Variants in TRIO observed in about 807,000 individuals in gnomAD.
The protein encoded by TRIO is trio Rho guanine nucleotide exchange factor.
Under a neutral mutation model 351.9 loss-of-function variants are expected in TRIO, and 58 were observed. That is an observed-to-expected ratio of 0.16 (90% CI 0.13 to 0.21). The LOEUF (loss-of-function observed/expected upper bound fraction) is 0.21, where lower values mean the gene tolerates loss of function less well. TRIO is among the 10% of genes least tolerant of loss of function. The probability of loss-of-function intolerance (pLI) is 1.00; values close to 1 mark genes in which losing one functional copy is unlikely to be tolerated. For synonymous variants in TRIO, 1,758 were observed against 1,595.7 expected (o/e 1.10, Z -2.42); for missense variants, 3,201 against 4,027.8 (o/e 0.79, Z 5.56).
Position 14,316,198 on chromosome 5 carries a change from A to G in TRIO, c.1501-315A>G, listed in dbSNP as rs1739366412. ...ATTTATGGCATTTAAGGCAAATAGT[A>G]TGCCTATTCATTGAGTGGTATCTAC... On this transcript the variant is annotated intron_variant, in intron 8 of 56. Coordinates refer to ENST00000344204, the MANE Select transcript of TRIO (RefSeq NM_007118.4). Among the ~76,000 whole-genome samples, 3 of 152,268 alleles carry G rather than the reference A, an allele frequency of 2.0e-5. No individual in the cohort carries two copies. The East Asian group carries it at 5.8e-4, about 29-fold the overall frequency.
intron 21 of TRIO, among the ~76,000 whole-genome samples, chr5:14,384,780 C>CA (rs991788264): frequency 6.6e-6 from 1 of 151,674 alleles, no homozygotes; most frequent in Non-Finnish European, 1.5e-5. Context: ...TTCACCTACA[C>CA]AAAAAAATGT....
chr5:14,389,447 G>A (rs1746855968), intron 25 of TRIO, 49 bp downstream of exon 25: 1 of 1,366,798 alleles, frequency 7.3e-7, no homozygotes, highest in South Asian at 1.3e-5. Flanking sequence ...TCCATGTGCT[G>A]AAGTTTCATC....
At chr5:14,381,797 TTTTCA>T (rs1242602064) in intron 21 of TRIO, among the ~76,000 whole-genome samples, 1 of 152,238 alleles carries the variant, frequency 6.6e-6, no homozygotes, top group African/African-American at 2.4e-5. Context: ...ACTTGAGGCA[TTTTCA>T]TTTTTCTCCT....
intron 19 of TRIO, among the ~76,000 whole-genome samples, chr5:14,377,173 C>CTT (rs1745632874): frequency 6.7e-6 from 1 of 149,954 alleles, no homozygotes. Context: ...TTTTTCTTGC[C>CTT]TTTATAGCTT....
intron 1 of TRIO, among the ~76,000 whole-genome samples, chr5:14,180,842 C>T (rs1240219916): frequency 2.5e-5 from 3 of 118,474 alleles, no homozygotes; most frequent in African/African-American, 7.6e-5. Flanking sequence ...CCCCCAGTGC[C>T]CCCACAAAAA....
chr5:14,207,557 C>CACACACACACACA (rs58848680), intron 1 of TRIO, among the ~76,000 whole-genome samples: 16 of 146,170 alleles, frequency 1.1e-4, no homozygotes, highest in Non-Finnish European at 1.7e-4. Flanking sequence ...CACACACACA[C>CACACACACACACA]GGAGCCAGGT....
chr5:14,318,378 T>C (rs1448675839), intron 9 of TRIO, among the ~76,000 whole-genome samples: 2 of 138,618 alleles, frequency 1.4e-5, no homozygotes, highest in African/African-American at 2.8e-5. Flanking sequence ...TCACTTGAAC[T>C]GGGGAGGCGG....
In TRIO at chr5:14,270,863, T is replaced by C; in HGVS notation, c.196T>C (p.Leu66=). The change falls in exon 2 of 57, where the codon TTA becomes CTA. Residue 66 remains leucine (L), a synonymous_variant. Transcript: ENST00000344204. ...KNDEMKAMDV[L]PILKEKVAYL... ...CGATGAAATGAAAGCTATGGATGTT[T>C]TACCAATTTTGAAGGAAAAAGTTGC... The C allele has an allele frequency of 6.2e-7, 1 of 1,614,122 alleles. No individual in the cohort carries two copies. Among genetic ancestry groups the C allele is most frequent in the South Asian group, 1.1e-5 (1 of 91,086 alleles).
chr5:14,192,968 T>C (rs1790546637), intron 1 of TRIO, among the ~76,000 whole-genome samples: 1 of 152,244 alleles, frequency 6.6e-6, no homozygotes, highest in South Asian at 2.1e-4. Flanking sequence ...TAACAGCTTA[T>C]GAAATTTGGA....
At chr5:14,366,388 GTTA>G (rs912654619) in intron 15 of TRIO, among the ~76,000 whole-genome samples, 7 of 151,792 alleles carry the variant, frequency 4.6e-5, no homozygotes, top group African/African-American at 1.4e-4. Flanking sequence ...TCATACCTTG[GTTA>G]TTATGCCATT....
chr5:14,279,497 G>A (rs950528774), intron 2 of TRIO, among the ~76,000 whole-genome samples: 2 of 152,164 alleles, frequency 1.3e-5, no homozygotes, highest in African/African-American at 4.8e-5. Context: ...ACTAAATGAA[G>A]GATCCACTTG....
At chr5:14,273,820 C>T (rs1316236173) in intron 2 of TRIO, among the ~76,000 whole-genome samples, 4 of 152,194 alleles carry the variant, frequency 2.6e-5, no homozygotes, top group Non-Finnish European at 5.9e-5. Context: ...GAAAATCTCA[C>T]ACGACAACCA....
At chr5:14,336,888 G>C (rs1403504627) in intron 11 of TRIO, among the ~76,000 whole-genome samples, 161 bp downstream of exon 11, 3 of 152,234 alleles carry the variant, frequency 2.0e-5, no homozygotes, top group African/African-American at 7.2e-5. Flanking sequence ...ACAGGGAAAA[G>C]CCGGGCTTGT....
chr5:14,155,051 T>C (rs1788030575), intron 1 of TRIO, among the ~76,000 whole-genome samples: 1 of 152,208 alleles, frequency 6.6e-6, no homozygotes, highest in African/African-American at 2.4e-5. Flanking sequence ...AATTGTGATT[T>C]TGCTGTGTAG....
chr5:14,194,905 C>A (rs541212443), intron 1 of TRIO, among the ~76,000 whole-genome samples: 53 of 152,168 alleles, frequency 3.5e-4, no homozygotes, highest in Non-Finnish European at 6.6e-4. Flanking sequence ...CCACTTATAC[C>A]CTTCTTTCTG....
At chr5:14,205,445 T>C (rs369305301) in intron 1 of TRIO, among the ~76,000 whole-genome samples, 13 of 152,334 alleles carry the variant, frequency 8.5e-5, no homozygotes, top group African/African-American at 2.9e-4. Flanking sequence ...CAATACACTG[T>C]TCATTACGTT....
chr5:14,283,553 T>C (rs999378672), intron 3 of TRIO, among the ~76,000 whole-genome samples: 1 of 152,188 alleles, frequency 6.6e-6, no homozygotes, highest in Non-Finnish European at 1.5e-5. Context: ...TGAGATATAG[T>C]GCAATAATTT....
chr5:14,316,495 C>T lies in TRIO; in HGVS notation c.1501-18C>T, dbSNP rs753550716. 1 of 1,612,958 alleles carries T rather than the reference C, an allele frequency of 6.2e-7. No homozygotes were observed. Among genetic ancestry groups the T allele is most frequent in the East Asian group, 2.2e-5 (1 of 44,862 alleles). ...AAACCTCAGATCGTGAAGAATCACTCATTTCTTTTGTGGGCAGGTCAGCCA... is the reference window on the plus strand; with the variant it reads ...AAACCTCAGATCGTGAAGAATCACTTATTTCTTTTGTGGGCAGGTCAGCCA... On this transcript the variant is annotated intron_variant, in intron 8 of 56. Coordinates refer to ENST00000344204, the MANE Select transcript of TRIO (RefSeq NM_007118.4).
At chr5:14,168,105 T>C (rs1788880537) in intron 1 of TRIO, among the ~76,000 whole-genome samples, 1 of 152,190 alleles carries the variant, frequency 6.6e-6, no homozygotes, top group African/African-American at 2.4e-5. Flanking sequence ...TGGAAAAGTT[T>C]CTAGAACAAT....
Sources: gnomAD v4.1 joint callset for allele counts (sites outside exome capture counted in the v4.1 genomes callset) on GRCh38, gnomAD v4.1.1 for gene constraint, MANE v1.5 for transcripts, NCBI Gene and HGNC (gene_info 2026-07-23, HGNC 2026-07-21) for gene names.